Variants in LMO2 observed in about 807,000 individuals in gnomAD.
The protein encoded by LMO2 is rhombotin-2.
LMO2 carries 20 observed loss-of-function variants against 23.2 expected under a neutral mutation model. The observed-to-expected ratio is 0.86, with a 90% CI of 0.61 to 1.25. The LOEUF (loss-of-function observed/expected upper bound fraction) is 1.25, where lower values mean the gene tolerates loss of function less well. Ranked by LOEUF, LMO2 falls within the 50% of genes most tolerant of loss-of-function variation. LMO2 has a pLI of 0.00. For missense variants in LMO2, 270 were observed against 315.3 expected (o/e 0.86, Z 1.09); for synonymous variants, 123 against 130.2 (o/e 0.94, Z 0.38).
intron 1 of LMO2, among the ~76,000 whole-genome samples, chr11:33,891,346 AACAC>A (rs57617009): frequency 0.078 from 9,726 of 124,938 alleles, 336 homozygotes; most frequent in South Asian, 0.12. Context: ...TTGTTAGGCA[AACAC>A]ACACACACAC....
chr11:33,891,372 CACACACACACACACACAT>C (rs1354738765), intron 1 of LMO2, among the ~76,000 whole-genome samples: 4 of 130,568 alleles, frequency 3.1e-5, no homozygotes, highest in South Asian at 2.6e-4. Context: ...CACACACACA[CACACACACACACACACAT>C]GCACACACAC....
chr11:33,878,347 G>A (rs1315334846), intron 2 of LMO2, among the ~76,000 whole-genome samples: 1 of 152,108 alleles, frequency 6.6e-6, no homozygotes, highest in African/African-American at 2.4e-5. Flanking sequence ...CTTTCTCCCT[G>A]TTCTAAAGCT....
intron 4 of LMO2, among the ~76,000 whole-genome samples, chr11:33,868,499 CACCCCTTACTCCCCATGTTAACGCT>C (rs745922821): frequency 1.3e-5 from 2 of 152,152 alleles, no homozygotes; most frequent in Non-Finnish European, 2.9e-5. Flanking sequence ...ATATCTTAAA[CACCCCTTACTCCCCATGTTAACGCT>C]GAAGAATGGG....
chr11:33,881,639 A>T, intron 2 of LMO2, 185 bp downstream of exon 2: 1 of 341,792 alleles, frequency 2.9e-6, no homozygotes. Context: ...CCAAGTTCAG[A>T]TCACAATTTA....
At chr11:33,866,542 G>A (rs1016090318) in intron 4 of LMO2, among the ~76,000 whole-genome samples, 4 of 152,162 alleles carry the variant, frequency 2.6e-5, no homozygotes, top group African/African-American at 9.7e-5. Flanking sequence ...AGGCTGAGGT[G>A]GGAGGATCAT....
Position 33,859,065 on chromosome 11 carries a change from G to A in LMO2, c.*291C>T, listed in dbSNP as rs370254774. On this transcript the variant is annotated 3_prime_UTR_variant, in exon 6 of 6. Transcript: ENST00000257818. ...TGAAATTCCATCATGATAGCACAGC[G>A]CCTGCTTGCCCCTAAATGTTCCTTT... The A allele has an allele frequency of 1.2e-3, 503 of 417,622 alleles. 8 individuals are homozygous for A. The South Asian group carries it at 0.014, about 12-fold the overall frequency. 25.9% of individuals were successfully genotyped at this position (417,622 alleles called of 1,614,324 possible). A position where few individuals can be genotyped will look rare whatever the true frequency, so the allele number is the denominator to read the frequency against.
intron 5 of LMO2, among the ~76,000 whole-genome samples, chr11:33,862,352 G>A (rs1160585401): frequency 6.6e-6 from 1 of 152,130 alleles, no homozygotes; most frequent in African/African-American, 2.4e-5. Context: ...TTCAGGTGCT[G>A]GCTGTTAAAA....
intron 4 of LMO2, among the ~76,000 whole-genome samples, chr11:33,868,237 A>T (rs538982630): frequency 6.6e-6 from 1 of 152,338 alleles, no homozygotes; most frequent in South Asian, 2.1e-4. Flanking sequence ...CACCATAGAA[A>T]GCCGAAATTG....
chr11:33,866,067 C>T (rs1856771040), intron 4 of LMO2, among the ~76,000 whole-genome samples: 1 of 152,230 alleles, frequency 6.6e-6, no homozygotes, highest in Non-Finnish European at 1.5e-5. Context: ...CTATTTCTAA[C>T]TGGTACTAAC....
chr11:33,883,845 G>A (rs1000757554), intron 1 of LMO2, among the ~76,000 whole-genome samples: 1 of 152,184 alleles, frequency 6.6e-6, no homozygotes, highest in Admixed American at 6.5e-5. Context: ...GACTGAGTAG[G>A]AATTAACAGC....
chr11:33,868,305 C>A (rs1391294830), intron 4 of LMO2, among the ~76,000 whole-genome samples: 1 of 152,040 alleles, frequency 6.6e-6, no homozygotes, highest in Non-Finnish European at 1.5e-5. Flanking sequence ...TCTTTTAAAG[C>A]AGGAAAAGAA....
At chr11:33,879,984 T>C (rs1016182178) in intron 2 of LMO2, among the ~76,000 whole-genome samples, 6 of 151,980 alleles carry the variant, frequency 3.9e-5, no homozygotes, top group Non-Finnish European at 4.4e-5. Flanking sequence ...ATCTAGCAAT[T>C]CCATTCTGGA....
At position 33,869,500 on chromosome 11, in the gene LMO2, C is replaced by CGTCGCCGCCGCT. The variant is rs1214243433; in HGVS notation, c.82_93dup (p.Ser28_Asp31dup). ...GCTCGGGCGCCGCCGCCGCCGCCGC[C>CGTCGCCGCCGCT]GTCGCCGCCGCTCCTGCGCCTCCGC... On this transcript the variant is annotated inframe_insertion, in exon 4 of 6. Transcript: ENST00000257818. 2 of 1,203,438 alleles carry CGTCGCCGCCGCT rather than the reference C, an allele frequency of 1.7e-6. No individual in the cohort carries two copies. The highest frequency in any genetic ancestry group is 3.6e-5 in the South Asian group (1 of 27,428). The allele number at this position is 1,203,438 out of a possible 1,614,324, so 74.5% of individuals were successfully genotyped here. A position where few individuals can be genotyped will look rare whatever the true frequency, so the allele number is the denominator to read the frequency against.
intron 2 of LMO2, chr11:33,870,549 G>C (rs901298393): frequency 4.1e-5 from 40 of 985,634 alleles, no homozygotes; most frequent in South Asian, 4.7e-5. Context: ...CGCCAGCCGG[G>C]ACTGCACGGG....
intron 2 of LMO2, among the ~76,000 whole-genome samples, chr11:33,874,631 C>A (rs1857094695): frequency 6.6e-6 from 1 of 152,238 alleles, no homozygotes; most frequent in Non-Finnish European, 1.5e-5. Flanking sequence ...AACAATCTCC[C>A]AGCCAATCAG....
intron 2 of LMO2, among the ~76,000 whole-genome samples, chr11:33,875,089 T>C (rs558717586): frequency 2.0e-5 from 3 of 152,324 alleles, no homozygotes; most frequent in Non-Finnish European, 4.4e-5. Context: ...TCTGCATTCA[T>C]TGACCTTGGG....
At chr11:33,862,611 T>TGAA (rs56363365) in intron 5 of LMO2, among the ~76,000 whole-genome samples, 147,405 of 152,030 alleles carry the variant, frequency 0.97, 71,633 homozygotes, top group East Asian at 1. Context: ...ATCCTAGGGG[T>TGAA]GAAGAACTCA....
chr11:33,863,958 A>C (rs1856677518), intron 5 of LMO2, among the ~76,000 whole-genome samples: 1 of 152,158 alleles, frequency 6.6e-6, no homozygotes, highest in South Asian at 2.1e-4. Flanking sequence ...TCCCCATTTT[A>C]CAGATAAGGA....
intron 4 of LMO2, among the ~76,000 whole-genome samples, chr11:33,867,992 C>G (rs996387599): frequency 2.0e-5 from 3 of 152,158 alleles, no homozygotes; most frequent in African/African-American, 7.2e-5. Context: ...CCTTTAAACC[C>G]ATTGTTTGCA....
Sources: allele counts gnomAD v4.1 joint callset (sites outside exome capture counted in the v4.1 genomes callset), GRCh38; gene constraint gnomAD v4.1.1; transcripts MANE v1.5; gene names NCBI Gene and HGNC (gene_info 2026-07-23, HGNC 2026-07-21).